CTIF: variants seen among roughly 807,000 people sequenced by gnomAD.
CTIF encodes CBP80/20-dependent translation initiation factor.
A neutral mutation model predicts 66.0 loss-of-function variants in CTIF; 21 were observed. The observed-to-expected ratio is 0.32, with a 90% CI of 0.23 to 0.46. The LOEUF is 0.46. CTIF is among the 20% of genes least tolerant of loss of function. CTIF has a pLI of 1.00. For missense variants in CTIF, 739 were observed against 812.7 expected, an observed-to-expected ratio of 0.91 and a Z score of 1.10; for synonymous variants, 345 against 326.4, an observed-to-expected ratio of 1.06 and a Z score of -0.62.
intron 7 of CTIF, among the ~76,000 whole-genome samples, chr18:48,723,104 G>A (rs2092355770): frequency 6.6e-6 from 1 of 152,188 alleles, no homozygotes; most frequent in Non-Finnish European, 1.5e-5. Flanking sequence ...AAGCAGCCTG[G>A]CTTCCAGGCG....
At chr18:48,808,792 A>T (rs2068203843) in intron 9 of CTIF, among the ~76,000 whole-genome samples, 1 of 152,210 alleles carries the variant, frequency 6.6e-6, no homozygotes, top group African/African-American at 2.4e-5. Flanking sequence ...ATAAAGCTTT[A>T]TTAAGGATAA....
At chr18:48,767,071 C>A (rs1293285056) in intron 9 of CTIF, among the ~76,000 whole-genome samples, 2 of 152,296 alleles carry the variant, frequency 1.3e-5, no homozygotes, top group East Asian at 1.9e-4. Flanking sequence ...CACCTTCCCA[C>A]CAAGGTTCCC....
At chr18:48,806,986 C>T (rs2068160570) in intron 9 of CTIF, among the ~76,000 whole-genome samples, 1 of 152,160 alleles carries the variant, frequency 6.6e-6, no homozygotes, top group Non-Finnish European at 1.5e-5. Flanking sequence ...AGCCAAATAC[C>T]AGGCTTTGAA....
At chr18:48,670,336 A>G (rs941043867) in intron 5 of CTIF, among the ~76,000 whole-genome samples, 5 of 152,128 alleles carry the variant, frequency 3.3e-5, no homozygotes, top group Non-Finnish European at 7.4e-5. Context: ...CTGTCCACTG[A>G]TCTTCTGTTC....
chr18:48,583,745 G>A (rs2089710911), intron 1 of CTIF, among the ~76,000 whole-genome samples: 1 of 152,176 alleles, frequency 6.6e-6, no homozygotes, highest in South Asian at 2.1e-4. Context: ...GTGGGAAGTT[G>A]AGCAGGTGGC....
chr18:48,808,799 A>C (rs949746882), intron 9 of CTIF, among the ~76,000 whole-genome samples: 4 of 152,212 alleles, frequency 2.6e-5, no homozygotes, highest in African/African-American at 4.8e-5. Flanking sequence ...TTTATTAAGG[A>C]TAAGTTAAGA....
chr18:48,736,239 A>G (rs1311644250), intron 7 of CTIF, among the ~76,000 whole-genome samples: 3 of 152,078 alleles, frequency 2.0e-5, no homozygotes, highest in Admixed American at 6.6e-5. Context: ...CTTGGTGATT[A>G]TGTATTTCAT....
At chr18:48,570,364 G>C (rs975746256) in intron 1 of CTIF, among the ~76,000 whole-genome samples, 4 of 152,216 alleles carry the variant, frequency 2.6e-5, no homozygotes, top group Admixed American at 6.5e-5. Flanking sequence ...TCTGAGTCCT[G>C]TCCTTCCATC....
chr18:48,766,988 C>T (rs989714693), intron 9 of CTIF, among the ~76,000 whole-genome samples: 3 of 74,322 alleles, frequency 4.0e-5, no homozygotes, highest in East Asian at 1.8e-3. Flanking sequence ...GGAAAAGGGC[C>T]TCATTCTCAC....
At chr18:48,596,330 C>G (rs926179129) in intron 1 of CTIF, among the ~76,000 whole-genome samples, 1 of 152,144 alleles carries the variant, frequency 6.6e-6, no homozygotes, top group Non-Finnish European at 1.5e-5. Flanking sequence ...AATAGTTGAC[C>G]GCTATCTTCA....
intron 7 of CTIF, among the ~76,000 whole-genome samples, chr18:48,717,048 C>T (rs987498247): frequency 6.6e-6 from 1 of 152,162 alleles, no homozygotes; most frequent in African/African-American, 2.4e-5. Context: ...CGCTTGCTGC[C>T]TCTGTCCTGC....
At chr18:48,780,400 C>T (rs1399982937) in intron 9 of CTIF, among the ~76,000 whole-genome samples, 3 of 152,102 alleles carry the variant, frequency 2.0e-5, no homozygotes, top group Non-Finnish European at 4.4e-5. Flanking sequence ...AAGCTAAAAA[C>T]TCCTCCCACC....
At chr18:48,644,216 G>A (rs976652721) in intron 3 of CTIF, among the ~76,000 whole-genome samples, 5 of 152,088 alleles carry the variant, frequency 3.3e-5, no homozygotes, top group African/African-American at 1.2e-4. Context: ...TTCACCTATT[G>A]ATCGGCTCCA....
At chr18:48,594,529 C>T (rs746206512) in intron 1 of CTIF, among the ~76,000 whole-genome samples, 7 of 152,072 alleles carry the variant, frequency 4.6e-5, no homozygotes, top group African/African-American at 7.2e-5. Context: ...TTTAGGGCAG[C>T]GTAGGGATTT....
intron 7 of CTIF, among the ~76,000 whole-genome samples, chr18:48,744,743 G>T (rs922037502): frequency 3.6e-4 from 55 of 152,004 alleles, no homozygotes; most frequent in African/African-American, 1.0e-3. Context: ...TTTCTCCAGC[G>T]ATCGATCCTA....
chr18:48,585,670 G>A (rs1036676156), intron 1 of CTIF, among the ~76,000 whole-genome samples: 1 of 152,164 alleles, frequency 6.6e-6, no homozygotes, highest in African/African-American at 2.4e-5. Context: ...GGGACACTTG[G>A]CATTTTCATC....
At chr18:48,844,447 C>T (rs765229784) in intron 10 of CTIF, among the ~76,000 whole-genome samples, 3 of 152,210 alleles carry the variant, frequency 2.0e-5, no homozygotes, top group South Asian at 2.1e-4. Flanking sequence ...TTCCAGCCCC[C>T]GGGCCAGCTG....
At chr18:48,808,124 A>T (rs2068187638) in intron 9 of CTIF, among the ~76,000 whole-genome samples, 1 of 152,216 alleles carries the variant, frequency 6.6e-6, no homozygotes, top group Admixed American at 6.5e-5. Context: ...TGCCTGTCTC[A>T]CTGCATCCTT....
intron 9 of CTIF, among the ~76,000 whole-genome samples, chr18:48,812,951 C>G (rs571064676): frequency 2.6e-5 from 4 of 151,854 alleles, no homozygotes; most frequent in African/African-American, 9.7e-5. Context: ...TTTTTGAAAA[C>G]TTCTCTAATT....
Sources: gnomAD v4.1 joint callset for allele counts (sites outside exome capture counted in the v4.1 genomes callset) on GRCh38, gnomAD v4.1.1 for gene constraint, MANE v1.5 for transcripts, NCBI Gene and HGNC (gene_info 2026-07-23, HGNC 2026-07-21) for gene names.